DHRS7B: variants seen among roughly 807,000 people sequenced by gnomAD.
DHRS7B encodes dehydrogenase/reductase 7B.
In DHRS7B, 24 loss-of-function variants were observed where a neutral mutation model predicts 26.4. That is an observed-to-expected ratio of 0.91 (90% CI 0.66 to 1.28). The LOEUF (loss-of-function observed/expected upper bound fraction) is 1.28, where lower values mean the gene tolerates loss of function less well. DHRS7B is among the 50% of genes most tolerant of loss of function. The pLI, the probability that DHRS7B is intolerant of heterozygous loss-of-function variation, is 0.00. For missense variants in DHRS7B, 368 were observed against 419.4 expected (o/e 0.88, Z 1.07); for synonymous variants, 142 against 166.4 (o/e 0.85, Z 1.13).
At chr17:21,189,022 T>C (rs1378515653) in intron 6 of DHRS7B, among the ~76,000 whole-genome samples, 159 bp downstream of exon 6, 1 of 152,188 alleles carries the variant, frequency 6.6e-6, no homozygotes, top group Admixed American at 6.5e-5. Context: ...ATATGGACTA[T>C]TGAATAATCT....
At chr17:21,152,819 C>G (rs1318443202) in intron 1 of DHRS7B, among the ~76,000 whole-genome samples, 1 of 152,170 alleles carries the variant, frequency 6.6e-6, no homozygotes, top group Non-Finnish European at 1.5e-5. Context: ...GCCATCCTGT[C>G]CCACCTGAAG....
At chr17:21,153,791 C>T (rs994204736) in intron 1 of DHRS7B, among the ~76,000 whole-genome samples, 5 of 151,996 alleles carry the variant, frequency 3.3e-5, no homozygotes, top group African/African-American at 1.2e-4. Context: ...ACTCATGACT[C>T]AATCACCTAC....
chr17:21,170,843 T>C (rs1974224205), intron 1 of DHRS7B, among the ~76,000 whole-genome samples: 1 of 124,472 alleles, frequency 8.0e-6, no homozygotes, highest in African/African-American at 3.1e-5. Context: ...TGATGTCCTC[T>C]TACGAAAGGA....
intron 1 of DHRS7B, among the ~76,000 whole-genome samples, chr17:21,137,754 G>A (rs1279496565): frequency 6.6e-6 from 1 of 151,814 alleles, no homozygotes; most frequent in Admixed American, 6.6e-5. Context: ...ACCGCACCCG[G>A]CCTCTGGCTA....
At chr17:21,166,617 T>C (rs1052670962) in intron 1 of DHRS7B, 2 of 306,910 alleles carry the variant, frequency 6.5e-6, no homozygotes, top group Non-Finnish European at 9.5e-6. Flanking sequence ...TTTCAAGATA[T>C]GGGTCATAAG....
intron 1 of DHRS7B, among the ~76,000 whole-genome samples, chr17:21,130,867 G>A (rs1888769655): frequency 6.6e-6 from 1 of 152,106 alleles, no homozygotes; most frequent in Admixed American, 6.5e-5. Flanking sequence ...CTCTATTCTG[G>A]AAGGCCATAA....
intron 1 of DHRS7B, among the ~76,000 whole-genome samples, chr17:21,153,482 A>G (rs1057042205): frequency 2.0e-5 from 3 of 152,252 alleles, no homozygotes; most frequent in African/African-American, 7.2e-5. Context: ...TATTTTAAGG[A>G]ATAACGTTGA....
At chr17:21,157,533 C>A (rs181032890) in intron 1 of DHRS7B, among the ~76,000 whole-genome samples, 69 of 152,174 alleles carry the variant, frequency 4.5e-4, no homozygotes, top group Non-Finnish European at 8.4e-4. Context: ...CTCATCTCTA[C>A]AAATAATAAA....
intron 4 of DHRS7B, 83 bp from the exon 5 acceptor site, chr17:21,184,288 C>T: frequency 3.2e-6 from 4 of 1,258,404 alleles, no homozygotes; most frequent in South Asian, 1.3e-5. Context: ...GACTAAATAT[C>T]AAAAGCAAGG....
chr17:21,150,571 T>G (rs1159336212), intron 1 of DHRS7B, among the ~76,000 whole-genome samples: 1 of 152,138 alleles, frequency 6.6e-6, no homozygotes, highest in Non-Finnish European at 1.5e-5. Context: ...GAGCCGAGAT[T>G]GCACCATTGC....
intron 1 of DHRS7B, among the ~76,000 whole-genome samples, chr17:21,149,368 T>C (rs924543974): frequency 6.6e-5 from 10 of 152,210 alleles, no homozygotes; most frequent in African/African-American, 2.4e-4. Context: ...AAGGGAGTTC[T>C]TCAAACAGAA....
At chr17:21,174,113 G>T (rs1198095709) in intron 2 of DHRS7B, among the ~76,000 whole-genome samples, 1 of 152,154 alleles carries the variant, frequency 6.6e-6, no homozygotes, top group Non-Finnish European at 1.5e-5. Flanking sequence ...TTCTTAACTG[G>T]CCATGTCAAG....
chr17:21,159,218 A>G (rs993191920), intron 1 of DHRS7B, among the ~76,000 whole-genome samples: 7 of 151,526 alleles, frequency 4.6e-5, no homozygotes, highest in African/African-American at 1.7e-4. Context: ...CAAACCACAG[A>G]CTAGTAGAAA....
intron 1 of DHRS7B, among the ~76,000 whole-genome samples, chr17:21,169,670 T>C (rs1205268991): frequency 6.6e-6 from 1 of 152,184 alleles, no homozygotes; most frequent in Non-Finnish European, 1.5e-5. Context: ...CATACTTGGC[T>C]CTTGACCCCC....
chr17:21,160,879 TA>T (rs201581216), intron 1 of DHRS7B, among the ~76,000 whole-genome samples: 3 of 151,002 alleles, frequency 2.0e-5, no homozygotes, highest in South Asian at 4.2e-4. Context: ...TATTCAGTAC[TA>T]AAAAAAAATG....
At chr17:21,190,827 C>T (rs1974760275) in intron 6 of DHRS7B, 121 bp from the exon 7 acceptor site, 2 of 995,640 alleles carry the variant, frequency 2.0e-6, no homozygotes, top group Non-Finnish European at 3.0e-6. Flanking sequence ...CTTCCTGGCC[C>T]TGGGAAGAGC....
chr17:21,133,421 C>T (rs1326921184), intron 1 of DHRS7B, among the ~76,000 whole-genome samples: 1 of 152,010 alleles, frequency 6.6e-6, no homozygotes, highest in Non-Finnish European at 1.5e-5. Context: ...GTGGGGCCCC[C>T]CTTCAGGGGC....
chr17:21,130,187 C>T (rs1048743484), intron 1 of DHRS7B, among the ~76,000 whole-genome samples: 4 of 152,178 alleles, frequency 2.6e-5, no homozygotes, highest in Non-Finnish European at 4.4e-5. Context: ...CACCTGAGGT[C>T]AGGAGTTCGA....
In DHRS7B at chr17:21,166,485, C is replaced by CT. The variant is rs943300988; in HGVS notation, c.21-5523dup. The CT allele has an allele frequency of 2.1e-3, 1,879 of 896,988 alleles. 3 individuals are homozygous for CT. The highest frequency in any genetic ancestry group is 0.015 in the East Asian group (122 of 8,258). 55.6% of individuals were successfully genotyped at this position (896,988 alleles called of 1,614,324 possible). A position where few individuals can be genotyped will look rare whatever the true frequency, so the allele number is the denominator to read the frequency against. Reference sequence around the variant, plus strand: ...CTGCCATCTGAGGTAGGATATTGTTCTTTTTTTTTTCCAGTCGAAGGCGGC... The same window carrying CT: ...CTGCCATCTGAGGTAGGATATTGTTCTTTTTTTTTTTCCAGTCGAAGGCGGC... On this transcript the variant is annotated intron_variant, in intron 1 of 6. Coordinates refer to ENST00000395511, the MANE Select transcript of DHRS7B (RefSeq NM_015510.5).
Sources: allele counts gnomAD v4.1 joint callset (sites outside exome capture counted in the v4.1 genomes callset), GRCh38; gene constraint gnomAD v4.1.1; transcripts MANE v1.5; gene names NCBI Gene and HGNC (gene_info 2026-07-23, HGNC 2026-07-21).